TRIM9: variants seen among roughly 807,000 people sequenced by gnomAD.
TRIM9 encodes E3 ubiquitin-protein ligase TRIM9.
A neutral mutation model predicts 78.3 loss-of-function variants in TRIM9; 26 were observed. The observed-to-expected ratio is 0.33, with a 90% CI of 0.24 to 0.46. TRIM9 has a LOEUF of 0.46. TRIM9 is among the 20% of genes least tolerant of loss of function. The pLI, the probability that TRIM9 is intolerant of heterozygous loss-of-function variation, is 1.00. For missense variants in TRIM9, 787 were observed against 1,036.4 expected (o/e 0.76, Z 3.30); for synonymous variants, 398 against 416.5 (o/e 0.96, Z 0.54).
At chr14:51,046,928 G>A (rs1382106796) in intron 1 of TRIM9, among the ~76,000 whole-genome samples, 1 of 152,186 alleles carries the variant, frequency 6.6e-6, no homozygotes, top group African/African-American at 2.4e-5. Context: ...ACATTATAAA[G>A]TTTGAAACAG....
At chr14:50,997,357 G>C (rs1421856808) in intron 7 of TRIM9, 1 of 985,254 alleles carries the variant, frequency 1.0e-6, no homozygotes, top group African/African-American at 1.7e-5. Flanking sequence ...ACCTTGTATG[G>C]TGGCTCTCGG....
At chr14:51,067,420 A>G (rs1243278347) in intron 1 of TRIM9, among the ~76,000 whole-genome samples, 1 of 152,150 alleles carries the variant, frequency 6.6e-6, no homozygotes, top group Non-Finnish European at 1.5e-5. Flanking sequence ...GTATTCTTTT[A>G]AAAATGCAAA....
At chr14:51,055,487 G>A (rs2060822504) in intron 1 of TRIM9, among the ~76,000 whole-genome samples, 1 of 152,232 alleles carries the variant, frequency 6.6e-6, no homozygotes, top group Non-Finnish European at 1.5e-5. Flanking sequence ...CTATCAAAAT[G>A]TAATCACAAG....
chr14:51,055,677 T>C lies in TRIM9; in HGVS notation c.823-30317A>G, dbSNP rs574871038. ...GGAAAATGGATTGTCTCCTAGAGCA[T>C]TCAGCTCTACTGACACCTCGATTTT... On this transcript the variant is annotated intron_variant, in intron 1 of 12. Coordinates refer to ENST00000684578, the MANE Select transcript of TRIM9 (RefSeq NM_001387360.1). Among the ~76,000 whole-genome samples, 10 of 152,322 alleles carry C rather than the reference T, an allele frequency of 6.6e-5. No homozygotes were observed. In the South Asian group the frequency reaches 2.1e-3, roughly 32 times the overall value.
chr14:51,085,247 A>G (rs2063644925), intron 1 of TRIM9, among the ~76,000 whole-genome samples: 1 of 152,234 alleles, frequency 6.6e-6, no homozygotes, highest in Non-Finnish European at 1.5e-5. Flanking sequence ...TCAGTGTCAC[A>G]TGAATAAATC....
intron 1 of TRIM9, among the ~76,000 whole-genome samples, chr14:51,054,205 G>A (rs1172281921): frequency 6.6e-6 from 1 of 152,196 alleles, no homozygotes; most frequent in African/African-American, 2.4e-5. Flanking sequence ...CGGACTATAG[G>A]TGTATTGCAC....
At chr14:50,997,000 G>GA (rs1172894329) in intron 7 of TRIM9, 81 of 984,648 alleles carry the variant, frequency 8.2e-5, no homozygotes, top group Non-Finnish European at 9.2e-5. Flanking sequence ...TGGGAAGTGG[G>GA]AAAAAAAACA....
At chr14:50,988,459 A>G (rs2053020334) in intron 7 of TRIM9, 1 of 152,032 alleles carries the variant, frequency 6.6e-6, no homozygotes, top group Non-Finnish European at 1.5e-5. Context: ...TAAGATGGTT[A>G]TGGCTCTTCC....
chr14:51,078,367 T>C (rs1029718216), intron 1 of TRIM9, among the ~76,000 whole-genome samples: 1 of 152,196 alleles, frequency 6.6e-6, no homozygotes, highest in Non-Finnish European at 1.5e-5. Context: ...CCTTTTCAGA[T>C]ATATGAATTA....
At chr14:51,084,912 T>C (rs2063611956) in intron 1 of TRIM9, among the ~76,000 whole-genome samples, 2 of 152,234 alleles carry the variant, frequency 1.3e-5, no homozygotes, top group Admixed American at 1.3e-4. Context: ...CCTGTGTATA[T>C]TTGACCATCC....
intron 7 of TRIM9, 54 bp from the exon 8 acceptor site, chr14:50,986,198 G>A (rs757163838): frequency 8.8e-6 from 12 of 1,365,946 alleles, no homozygotes; most frequent in Non-Finnish European, 1.1e-5. Context: ...TTATGTCCCC[G>A]TGCACGGTTC....
intron 3 of TRIM9, among the ~76,000 whole-genome samples, chr14:51,021,123 A>T (rs1296594384): frequency 6.6e-6 from 1 of 152,180 alleles, no homozygotes; most frequent in African/African-American, 2.4e-5. Flanking sequence ...TAACAATAAA[A>T]GTTTTGGGTT....
At chr14:50,983,285 T>A in intron 9 of TRIM9, 95 bp downstream of exon 9, 1 of 1,060,164 alleles carries the variant, frequency 9.4e-7, no homozygotes, top group Admixed American at 2.5e-5. Flanking sequence ...TAGACAATTT[T>A]ATTGACATAA....
chr14:51,005,185 T>G (rs1173719544), intron 5 of TRIM9, among the ~76,000 whole-genome samples: 1 of 152,242 alleles, frequency 6.6e-6, no homozygotes, highest in Non-Finnish European at 1.5e-5. Flanking sequence ...CAAGTGTGTG[T>G]GCTCATTCCA....
intron 1 of TRIM9, among the ~76,000 whole-genome samples, chr14:51,026,008 G>A (rs1386019705): frequency 1.3e-5 from 2 of 152,130 alleles, no homozygotes; most frequent in African/African-American, 4.8e-5. Flanking sequence ...CCATCCATAC[G>A]AGGAGGCAGT....
intron 5 of TRIM9, among the ~76,000 whole-genome samples, chr14:51,007,123 C>T (rs2055910913): frequency 6.6e-6 from 1 of 152,296 alleles, no homozygotes; most frequent in South Asian, 2.1e-4. Flanking sequence ...CTCTAACTGC[C>T]TCCTCCTCCT....
intron 5 of TRIM9, among the ~76,000 whole-genome samples, chr14:51,003,645 A>AT (rs1254625872): frequency 6.6e-6 from 1 of 151,942 alleles, no homozygotes; most frequent in Non-Finnish European, 1.5e-5. Flanking sequence ...GACCAAAAGG[A>AT]TAAAAAAAAA....
At chr14:51,015,209 A>G (rs1326382297) in intron 3 of TRIM9, among the ~76,000 whole-genome samples, 4 of 152,212 alleles carry the variant, frequency 2.6e-5, no homozygotes, top group African/African-American at 7.2e-5. Context: ...GAATTCTCAG[A>G]CATTGTCAGT....
In TRIM9 at chr14:51,019,499, T is replaced by A. The variant is rs1220171543; in HGVS notation, c.1041+3336A>T. Reference sequence around the variant, plus strand: ...GCTCATCAAACTTTGTGAACTATTTTATACAATGATCAATTATGAACTCAT... The same window carrying A: ...GCTCATCAAACTTTGTGAACTATTTAATACAATGATCAATTATGAACTCAT... On this transcript the variant is annotated intron_variant, in intron 3 of 12. Coordinates refer to ENST00000684578, the MANE Select transcript of TRIM9 (RefSeq NM_001387360.1). 8.5e-5 allele frequency among the ~76,000 whole-genome samples: 13 copies of A among 152,224 alleles called. 1 individual carries two copies. Among genetic ancestry groups the A allele is most frequent in the Admixed American group, 8.5e-4 (13 of 15,278 alleles).
Sources: gnomAD v4.1 joint callset for allele counts (sites outside exome capture counted in the v4.1 genomes callset) on GRCh38, gnomAD v4.1.1 for gene constraint, MANE v1.5 for transcripts, NCBI Gene and HGNC (gene_info 2026-07-23, HGNC 2026-07-21) for gene names.